RAB23: variants seen among roughly 807,000 people sequenced by gnomAD.
RAB23 encodes the protein ras-related protein Rab-23.
In RAB23, 15 loss-of-function variants were observed where a neutral mutation model predicts 30.0. The ratio of observed to expected loss-of-function variants is 0.50; its 90% CI spans 0.33 to 0.77. The LOEUF (loss-of-function observed/expected upper bound fraction) is 0.77, where lower values mean the gene tolerates loss of function less well. Among genes scored for constraint, RAB23 ranks in the 30% least tolerant of loss-of-function variants. The pLI, the probability that RAB23 is intolerant of heterozygous loss-of-function variation, is 0.02. For missense variants in RAB23, 243 were observed against 275.4 expected, an observed-to-expected ratio of 0.88 and a Z score of 0.83; for synonymous variants, 93 against 94.0, an observed-to-expected ratio of 0.99 and a Z score of 0.06.
intron 3 of RAB23, among the ~76,000 whole-genome samples, chr6:57,200,932 A>T (rs1435617229): frequency 1.3e-5 from 2 of 152,186 alleles, no homozygotes; most frequent in Non-Finnish European, 2.9e-5. Flanking sequence ...GGGGCTCTGG[A>T]CATGCTAAAC....
chr6:57,194,477 A>AT (rs1254460130), intron 5 of RAB23, among the ~76,000 whole-genome samples: 1 of 152,110 alleles, frequency 6.6e-6, no homozygotes, highest in African/African-American at 2.4e-5. Flanking sequence ...CAACTGAGTT[A>AT]TTTTTAACAG....
chr6:57,204,249 T>G (rs1765372366), intron 3 of RAB23, among the ~76,000 whole-genome samples: 1 of 152,212 alleles, frequency 6.6e-6, no homozygotes, highest in African/African-American at 2.4e-5. Flanking sequence ...TCATTAACAC[T>G]GTCACTTGGA....
At position 57,187,825 on chromosome 6, in the gene RAB23, A is replaced by AAAG. The variant is rs1002602223; in HGVS notation, c.*2633_*2635dup. The AAAG allele has an allele frequency of 3.3e-5, 5 of 152,146 alleles. No homozygotes were observed. Among genetic ancestry groups the AAAG allele is most frequent in the African/African-American group, 9.7e-5 (4 of 41,434 alleles). The allele number at this position is 152,146 out of a possible 1,614,324, so 9.4% of individuals were successfully genotyped here. A position where few individuals can be genotyped will look rare whatever the true frequency, so the allele number is the denominator to read the frequency against. On this transcript the variant is annotated 3_prime_UTR_variant, in exon 7 of 7. Transcript: ENST00000468148. ...TAGAACTTCACTCCATAATGAGGAA[A>AAAG]AAGTTTTCATCCTCTTTTTGGTAGT...
chr6:57,190,830 T>G (rs934219384), intron 6 of RAB23, among the ~76,000 whole-genome samples: 1 of 152,288 alleles, frequency 6.6e-6, no homozygotes, highest in East Asian at 1.9e-4. Flanking sequence ...TCCATAACTC[T>G]TTTCATCTTT....
chr6:57,194,995 A>G (rs1764967775), intron 4 of RAB23, 143 bp from the exon 5 acceptor site: 1 of 664,372 alleles, frequency 1.5e-6, no homozygotes, highest in African/African-American at 1.8e-5. Context: ...AAATTTTCAT[A>G]TTTCTTTTTA....
chr6:57,190,460 C>T lies in RAB23; in HGVS notation c.*1G>A, dbSNP rs758628915. 2.7e-5 allele frequency: 43 copies of T among 1,613,908 alleles called. No individual in the cohort carries two copies. The Admixed American group carries it at 4.0e-4, about 15-fold the overall frequency. On this transcript the variant is annotated 3_prime_UTR_variant, in exon 7 of 7. Coordinates refer to ENST00000468148, the MANE Select transcript of RAB23 (RefSeq NM_016277.5). Reference sequence around the variant, plus strand: ...TTCAATTGTTTTCCTCCCAAAACATCTTAGGGTATGCTACAGCTGCTAAAA... The same window carrying T: ...TTCAATTGTTTTCCTCCCAAAACATTTTAGGGTATGCTACAGCTGCTAAAA...
At position 57,190,546 on chromosome 6, in the gene RAB23, TTGAG is replaced by T; in HGVS notation, c.625_628del (p.Leu209MetfsTer37). 6.2e-7 allele frequency: 1 copy of T among 1,613,810 alleles called. No individual in the cohort carries two copies. The highest frequency in any genetic ancestry group is 8.5e-7 in the Non-Finnish European group (1 of 1,179,700). On this transcript the variant is annotated frameshift_variant, in exon 7 of 7. Coordinates refer to ENST00000468148, the MANE Select transcript of RAB23 (RefSeq NM_016277.5). LOFTEE classifies it high-confidence loss of function. Reference sequence around the variant, plus strand: ...TCTAAGATTGATGACATCTCCACCATTGAGGGTACCTGAATTCTGACCGGAGTGA... The same window carrying T: ...TCTAAGATTGATGACATCTCCACCATGGTACCTGAATTCTGACCGGAGTGA...
chr6:57,218,933 GAAC>G (rs1398998776), intron 1 of RAB23, among the ~76,000 whole-genome samples: 1 of 151,746 alleles, frequency 6.6e-6, no homozygotes, highest in African/African-American at 2.4e-5. Flanking sequence ...CTCACATTGG[GAAC>G]AAGGTAAGGA....
chr6:57,199,755 C>T (rs563140466), intron 3 of RAB23, among the ~76,000 whole-genome samples: 2 of 152,254 alleles, frequency 1.3e-5, no homozygotes, highest in East Asian at 1.9e-4. Flanking sequence ...TGCTGCACCA[C>T]CTTGTCTGAT....
chr6:57,210,555 T>G, intron 1 of RAB23, 110 bp from the exon 2 acceptor site: 1 of 706,488 alleles, frequency 1.4e-6, no homozygotes, highest in East Asian at 2.7e-5. Context: ...TTTTCATAAC[T>G]GAGGTCCCTC....
intron 3 of RAB23, among the ~76,000 whole-genome samples, chr6:57,198,121 C>G (rs1562652316): frequency 6.6e-6 from 1 of 151,930 alleles, no homozygotes; most frequent in African/African-American, 2.4e-5. Context: ...ATGCAAAATA[C>G]AGAAAGAGAG....
At chr6:57,216,447 A>G (rs1765838999) in intron 1 of RAB23, among the ~76,000 whole-genome samples, 2 of 152,232 alleles carry the variant, frequency 1.3e-5, no homozygotes, top group Non-Finnish European at 2.9e-5. Flanking sequence ...ATACAACAGC[A>G]CAATATACCT....
At chr6:57,205,021 C>T (rs902775155) in intron 3 of RAB23, among the ~76,000 whole-genome samples, 38 of 150,928 alleles carry the variant, frequency 2.5e-4, no homozygotes, top group Non-Finnish European at 4.9e-4. Flanking sequence ...TAGATACATA[C>T]ATATATGTAT....
At chr6:57,217,903 G>C (rs1007758144) in intron 1 of RAB23, among the ~76,000 whole-genome samples, 3 of 151,958 alleles carry the variant, frequency 2.0e-5, no homozygotes, top group Non-Finnish European at 2.9e-5. Context: ...ATAAAATAGG[G>C]GATAGCAACA....
intron 1 of RAB23, among the ~76,000 whole-genome samples, chr6:57,219,080 A>C (rs1765955915): frequency 1.3e-5 from 2 of 152,336 alleles, no homozygotes; most frequent in South Asian, 4.1e-4. Flanking sequence ...TCTGTAGAAA[A>C]ACCCATGGAA....
At chr6:57,197,707 G>A (rs1249501749) in intron 3 of RAB23, among the ~76,000 whole-genome samples, 2 of 152,064 alleles carry the variant, frequency 1.3e-5, no homozygotes, top group South Asian at 2.1e-4. Flanking sequence ...AGGTTCATTT[G>A]GAAAATCTTC....
chr6:57,187,428 G>A lies in RAB23; in HGVS notation c.*3033C>T, dbSNP rs749068215. The A allele has an allele frequency of 2.8e-4, 42 of 152,142 alleles. No individual in the cohort carries two copies. The highest frequency in any genetic ancestry group is 5.4e-4 in the Non-Finnish European group (37 of 68,014). 9.4% of individuals were successfully genotyped at this position (152,142 alleles called of 1,614,324 possible). On this transcript the variant is annotated 3_prime_UTR_variant, in exon 7 of 7. Transcript: ENST00000468148. ...GCTGAAAACCTAAGGAGTGACAATA[G>A]TACATGTGACATTCTTAACAGTTAA... is the stretch of plus-strand genomic sequence containing the variant.
intron 2 of RAB23, among the ~76,000 whole-genome samples, chr6:57,209,006 C>T (rs1765550418): frequency 6.6e-6 from 1 of 152,192 alleles, no homozygotes; most frequent in Admixed American, 6.5e-5. Flanking sequence ...CTGTAAGGCA[C>T]ATCATAGCCT....
chr6:57,218,829 G>T (rs1765945891), intron 1 of RAB23, among the ~76,000 whole-genome samples: 1 of 151,458 alleles, frequency 6.6e-6, no homozygotes, highest in African/African-American at 2.4e-5. Flanking sequence ...ACTCCAGCCT[G>T]GGTGACAGAG....
Sources: gnomAD v4.1 joint callset for allele counts (sites outside exome capture counted in the v4.1 genomes callset) on GRCh38, gnomAD v4.1.1 for gene constraint, MANE v1.5 for transcripts, NCBI Gene and HGNC (gene_info 2026-07-23, HGNC 2026-07-21) for gene names.